Variants in PCDH7 observed in about 807,000 individuals in gnomAD.
PCDH7 encodes protocadherin-7.
PCDH7 carries 17 observed loss-of-function variants against 58.9 expected under a neutral mutation model. The observed-to-expected ratio is 0.29, with a 90% CI of 0.20 to 0.43. PCDH7 has a LOEUF of 0.43. PCDH7 is among the 20% of genes least tolerant of loss of function. The pLI is 1.00. For missense variants in PCDH7, 1,274 were observed against 1,441.0 expected (o/e 0.88, Z 1.88); for synonymous variants, 664 against 616.4 (o/e 1.08, Z -1.14).
At chr4:31,007,835 C>T (rs1337381945) in intron 3 of PCDH7, among the ~76,000 whole-genome samples, 1 of 152,098 alleles carries the variant, frequency 6.6e-6, no homozygotes, top group Non-Finnish European at 1.5e-5. Flanking sequence ...GATTCAAAGA[C>T]AACCATGTTG....
chr4:30,831,413 G>C (rs988421429), intron 1 of PCDH7, among the ~76,000 whole-genome samples: 2 of 152,078 alleles, frequency 1.3e-5, no homozygotes, highest in African/African-American at 4.8e-5. Flanking sequence ...TCAATAAAAT[G>C]AGTATAACAA....
chr4:30,924,615 A>G (rs541455210), intron 2 of PCDH7, among the ~76,000 whole-genome samples: 38 of 152,256 alleles, frequency 2.5e-4, no homozygotes, highest in Admixed American at 1.4e-3. Flanking sequence ...GTGGGTGGAA[A>G]TGTTGGCACC....
At chr4:30,815,154 G>T (rs1577911680) in intron 1 of PCDH7, among the ~76,000 whole-genome samples, 1 of 151,594 alleles carries the variant, frequency 6.6e-6, no homozygotes, top group Admixed American at 6.6e-5. Flanking sequence ...AAATTATAAT[G>T]AAAAAAGAAG....
At chr4:30,835,531 A>G (rs557714545) in intron 1 of PCDH7, among the ~76,000 whole-genome samples, 95 of 152,308 alleles carry the variant, frequency 6.2e-4, no homozygotes, top group African/African-American at 2.2e-3. Flanking sequence ...CGGGTCCCTG[A>G]TGCCAAAAAG....
intron 3 of PCDH7, among the ~76,000 whole-genome samples, chr4:31,054,640 A>G (rs1757006593): frequency 6.6e-6 from 1 of 152,160 alleles, no homozygotes; most frequent in Non-Finnish European, 1.5e-5. Flanking sequence ...TGAAACATTT[A>G]TCTTCATCAA....
chr4:31,113,130 G>GT (rs1360795832), intron 3 of PCDH7, among the ~76,000 whole-genome samples: 2 of 152,014 alleles, frequency 1.3e-5, no homozygotes, highest in Non-Finnish European at 2.9e-5. Flanking sequence ...TTTAGAGATT[G>GT]TTTATTGGAA....
chr4:31,065,048 C>T (rs4352437), intron 3 of PCDH7, among the ~76,000 whole-genome samples: 100,185 of 151,830 alleles, frequency 0.66, 34,958 homozygotes, highest in African/African-American at 0.9. Flanking sequence ...TAGAATTTTG[C>T]TTTTCAAAAA....
chr4:30,754,514 A>T (rs1353230650), intron 1 of PCDH7, among the ~76,000 whole-genome samples: 1 of 152,192 alleles, frequency 6.6e-6, no homozygotes, highest in East Asian at 1.9e-4. Context: ...AATGTGAATT[A>T]AATTCACACC....
intron 1 of PCDH7, among the ~76,000 whole-genome samples, chr4:30,872,683 C>T (rs1735776932): frequency 6.6e-6 from 1 of 152,030 alleles, no homozygotes; most frequent in Non-Finnish European, 1.5e-5. Flanking sequence ...CCACACAACG[C>T]CTAGCTCATT....
At position 31,040,941 on chromosome 4, in the gene PCDH7, C is replaced by T. The variant is rs914835660; in HGVS notation, c.*7+90726C>T. On this transcript the variant is annotated intron_variant, in intron 3 of 3. Coordinates refer to the PCDH7 transcript ENST00000509759. ...AAAAAAAAATCCTGGACCAGAAAAG[C>T]ACATGGGGTTACAGAGTTGTGGAAA... Among the ~76,000 whole-genome samples, 70 of 151,886 alleles carry T rather than the reference C, an allele frequency of 4.6e-4. 1 individual carries two copies. Among genetic ancestry groups the T allele is most frequent in the African/African-American group, 1.7e-3 (70 of 41,432 alleles).
At chr4:31,067,568 CA>C (rs1758195779) in intron 3 of PCDH7, among the ~76,000 whole-genome samples, 1 of 151,522 alleles carries the variant, frequency 6.6e-6, no homozygotes, top group African/African-American at 2.4e-5. Context: ...AGGAGGAACA[CA>C]AGGAGAAATA....
At chr4:31,023,018 G>A (rs1754149488) in intron 3 of PCDH7, among the ~76,000 whole-genome samples, 1 of 152,170 alleles carries the variant, frequency 6.6e-6, no homozygotes, top group South Asian at 2.1e-4. Flanking sequence ...AGAACAAGGG[G>A]ATTGCGTTCA....
chr4:30,876,368 T>C (rs1736283245), intron 1 of PCDH7, among the ~76,000 whole-genome samples: 12 of 152,144 alleles, frequency 7.9e-5, no homozygotes, highest in Admixed American at 7.9e-4. Flanking sequence ...TCTTGTGATA[T>C]TACATTTTTA....
At chr4:31,055,562 G>C (rs933791304) in intron 3 of PCDH7, among the ~76,000 whole-genome samples, 7 of 151,902 alleles carry the variant, frequency 4.6e-5, no homozygotes, top group African/African-American at 1.7e-4. Context: ...TAATATAAAG[G>C]CTTTGTTTTT....
intron 3 of PCDH7, among the ~76,000 whole-genome samples, chr4:31,010,867 A>G (rs1439757881): frequency 6.6e-6 from 1 of 152,022 alleles, no homozygotes. Context: ...TATTTTAAAA[A>G]ATAAAAAGAT....
intron 1 of PCDH7, among the ~76,000 whole-genome samples, chr4:30,769,287 C>T (rs898567610): frequency 5.9e-5 from 9 of 152,216 alleles, no homozygotes; most frequent in African/African-American, 1.7e-4. Context: ...TTGGCTGCAC[C>T]GCAGCCCCCT....
At chr4:30,963,578 G>GT (rs1464039691) in intron 3 of PCDH7, among the ~76,000 whole-genome samples, 1 of 93,134 alleles carries the variant, frequency 1.1e-5, no homozygotes, top group Non-Finnish European at 2.0e-5. Context: ...TGCTAGTTAT[G>GT]TTTTTTCTCT....
At chr4:31,065,905 C>A (rs370935051) in intron 3 of PCDH7, among the ~76,000 whole-genome samples, 1 of 151,798 alleles carries the variant, frequency 6.6e-6, no homozygotes, top group African/African-American at 2.4e-5. Flanking sequence ...AATTTCACTG[C>A]GAAAAATTGA....
chr4:30,964,273 G>A lies in PCDH7; in HGVS notation c.*7+14058G>A, dbSNP rs1312454010. ...TTATTTTTTTTTGAGATGAAATCTG[G>A]CTCTGTCTCCCAGGCTGGAGTGCAG... is the stretch of plus-strand genomic sequence containing the variant. On this transcript the variant is annotated intron_variant, in intron 3 of 3. Transcript: ENST00000509759. Among the ~76,000 whole-genome samples the A allele has an allele frequency of 4.0e-4, 60 of 148,572 alleles. 1 individual carries two copies. Among genetic ancestry groups the A allele is most frequent in the Non-Finnish European group, 2.7e-4 (18 of 67,566 alleles).
Sources: gnomAD v4.1 joint callset for allele counts (sites outside exome capture counted in the v4.1 genomes callset) on GRCh38, gnomAD v4.1.1 for gene constraint, MANE v1.5 for transcripts, NCBI Gene and HGNC (gene_info 2026-07-23, HGNC 2026-07-21) for gene names.